The following HLTF variants were observed in gnomAD, a reference collection of about 807,000 sequenced individuals.
The protein encoded by HLTF is helicase like transcription factor.
HLTF carries 127 observed loss-of-function variants against 129.4 expected under a neutral mutation model. The ratio of observed to expected loss-of-function variants is 0.98; its 90% CI spans 0.85 to 1.14. The LOEUF (loss-of-function observed/expected upper bound fraction) is 1.14, where lower values mean the gene tolerates loss of function less well. Among genes scored for constraint, HLTF ranks in the 50% most tolerant of loss-of-function variants. The pLI, the probability that HLTF is intolerant of heterozygous loss-of-function variation, is 0.00. For missense variants in HLTF, 1,139 were observed against 1,187.1 expected (o/e 0.96, Z 0.60); for synonymous variants, 332 against 388.8 (o/e 0.85, Z 1.72).
Position 149,048,963 on chromosome 3 carries a change from T to C in HLTF, c.1656A>G (p.Leu552=), listed in dbSNP as rs1446596488. The change falls in exon 16 of 25, where the codon CTA becomes CTG. Residue 552 remains leucine, a synonymous_variant. Coordinates refer to ENST00000310053, the MANE Select transcript of HLTF (RefSeq NM_003071.4). The part of the protein sequence containing the change: ...GDSPLHSIRW[L]RVILDEGHAI... ...CATGTCCTTCATCCAGGATCACTCT[T>C]AGCCACCTTATGCTATGTAATGGAC... The C allele has an allele frequency of 1.9e-6, 3 of 1,609,178 alleles. No homozygotes were observed. The highest frequency in any genetic ancestry group is 1.7e-5 in the Admixed American group (1 of 59,986).
At chr3:149,037,241 C>G (rs549331233) in intron 23 of HLTF, among the ~76,000 whole-genome samples, 7 of 152,104 alleles carry the variant, frequency 4.6e-5, no homozygotes, top group Admixed American at 1.3e-4. Flanking sequence ...GAGGCTGAGG[C>G]AGGTGGATCA....
chr3:149,043,613 C>A (rs1716311206), intron 18 of HLTF, among the ~76,000 whole-genome samples: 1 of 145,650 alleles, frequency 6.9e-6, no homozygotes, highest in African/African-American at 2.5e-5. Context: ...TACAGTGGTA[C>A]AATGACAACA....
chr3:149,080,148 T>C (rs1243976435), intron 2 of HLTF, among the ~76,000 whole-genome samples: 2 of 152,078 alleles, frequency 1.3e-5, no homozygotes, highest in Non-Finnish European at 2.9e-5. Flanking sequence ...TAAATCCATA[T>C]ACACAGGAAG....
chr3:149,055,771 C>T (rs1033332074), intron 13 of HLTF, among the ~76,000 whole-genome samples: 1 of 152,182 alleles, frequency 6.6e-6, no homozygotes, highest in Non-Finnish European at 1.5e-5. Context: ...TCCTGATATT[C>T]ACAATCTTGT....
At chr3:149,079,028 G>A (rs115481794) in intron 2 of HLTF, among the ~76,000 whole-genome samples, 4,033 of 152,118 alleles carry the variant, frequency 0.027, 67 homozygotes, top group South Asian at 0.052. Context: ...AATTTGAGCA[G>A]GCATAAGAAA....
rs576100382 is a variant in HLTF at position 149,031,566 on chromosome 3, ACTT to A, written c.*651_*653del. The A allele has an allele frequency of 3.9e-4, 60 of 152,642 alleles. No homozygotes were observed. The highest frequency in any genetic ancestry group is 1.3e-3 in the African/African-American group (54 of 41,554). The allele number at this position is 152,642 out of a possible 1,614,324, so 9.5% of individuals were successfully genotyped here. Reference sequence around the variant, plus strand: ...ACATTTAAACAATGAGTGTAGTACTACTTAACTAAAATGGAAAAAATAGTACTC... The same window carrying A: ...ACATTTAAACAATGAGTGTAGTACTAAACTAAAATGGAAAAAATAGTACTC... On this transcript the variant is annotated 3_prime_UTR_variant, in exon 25 of 25. Coordinates refer to ENST00000310053, the MANE Select transcript of HLTF (RefSeq NM_003071.4).
At chr3:149,056,140 G>A (rs984613911) in intron 13 of HLTF, among the ~76,000 whole-genome samples, 1 of 152,164 alleles carries the variant, frequency 6.6e-6, no homozygotes, top group East Asian at 1.9e-4. Flanking sequence ...CTGCAACCTC[G>A]TAAGAGACCA....
At chr3:149,066,480 T>G (rs2108032020) in intron 8 of HLTF, among the ~76,000 whole-genome samples, 1 of 152,262 alleles carries the variant, frequency 6.6e-6, no homozygotes, top group African/African-American at 2.4e-5. Context: ...AAATCAATAT[T>G]TCAGTCTACT....
chr3:149,039,082 C>G lies in HLTF; in HGVS notation c.2763G>C (p.Leu921=). ...TTAAAAACACTCGAGAAGCTGCAGA[C>G]AGATTCAAACCAACTCCACCTGCTT... ...SLKAGGVGLN[L]SAASRVFLMD... Residue 921 remains leucine (L), a synonymous_variant, in exon 23 of 25, where the codon CTG becomes CTC. Transcript: ENST00000310053. 6.2e-7 allele frequency: 1 copy of G among 1,605,324 alleles called. No homozygotes were observed. Among genetic ancestry groups the G allele is most frequent in the Non-Finnish European group, 8.5e-7 (1 of 1,176,710 alleles).
chr3:149,060,976 A>AC, intron 10 of HLTF, 118 bp from the exon 11 acceptor site: 1 of 685,102 alleles, frequency 1.5e-6, no homozygotes, highest in Non-Finnish European at 2.5e-6. Context: ...TTTTTGAAAA[A>AC]TTTTTTAAAG....
At chr3:149,063,152 C>T (rs1382099507) in intron 10 of HLTF, 5 of 464,322 alleles carry the variant, frequency 1.1e-5, no homozygotes, top group Admixed American at 2.4e-5. Flanking sequence ...CTCTGCCTCC[C>T]GGGTTCACGC....
intron 2 of HLTF, among the ~76,000 whole-genome samples, chr3:149,082,473 A>G (rs1719956772): frequency 6.6e-6 from 1 of 152,208 alleles, no homozygotes; most frequent in African/African-American, 2.4e-5. Flanking sequence ...AAAACAAAAA[A>G]AAAGAAAAGA....
At chr3:149,049,927 G>C (rs1716841066) in intron 15 of HLTF, among the ~76,000 whole-genome samples, 1 of 152,058 alleles carries the variant, frequency 6.6e-6, no homozygotes, top group Admixed American at 6.5e-5. Flanking sequence ...AGGAGGCAGA[G>C]GTTGCAGTGA....
chr3:149,048,732 T>C, intron 16 of HLTF, 131 bp downstream of exon 16: 3 of 653,340 alleles, frequency 4.6e-6, no homozygotes, highest in Non-Finnish European at 5.3e-6. Context: ...AAACATTTGA[T>C]TAAATTATTT....
At chr3:149,082,440 C>T (rs1171406087) in intron 2 of HLTF, among the ~76,000 whole-genome samples, 1 of 152,000 alleles carries the variant, frequency 6.6e-6, no homozygotes, top group Non-Finnish European at 1.5e-5. Context: ...GCCTGAGAAA[C>T]AGAGCGAGAC....
At position 149,060,840 on chromosome 3, in the gene HLTF, C is replaced by T; in HGVS notation, c.1179G>A (p.Gln393=). ...SRPKRRKTAV[Q]YIESSDSEEI... ...CCTCTGAATCACTGCTTTCTATGTACTGGACAGCAGTTTTTCTTCTAAAAT... is the reference window on the plus strand; with the variant it reads ...CCTCTGAATCACTGCTTTCTATGTATTGGACAGCAGTTTTTCTTCTAAAAT... The change falls in exon 11 of 25, where the codon CAG becomes CAA. Residue 393 remains glutamine (Q), a synonymous_variant. Coordinates refer to ENST00000310053, the MANE Select transcript of HLTF (RefSeq NM_003071.4). 6.2e-7 allele frequency: 1 copy of T among 1,611,914 alleles called. No individual in the cohort carries two copies. The highest frequency in any genetic ancestry group is 8.5e-7 in the Non-Finnish European group (1 of 1,178,568).
chr3:149,049,996 G>C (rs1716848661), intron 15 of HLTF, among the ~76,000 whole-genome samples: 4 of 151,782 alleles, frequency 2.6e-5, no homozygotes, highest in Admixed American at 2.6e-4. Flanking sequence ...CCATCGAGAG[G>C]GAGGGGGAGG....
intron 22 of HLTF, 77 bp downstream of exon 22, chr3:149,039,503 GT>G (rs373823328): frequency 0.011 from 6,292 of 587,322 alleles, no homozygotes; most frequent in South Asian, 0.018. Flanking sequence ...AACAAATTAA[GT>G]TTTTTTTTTT....
chr3:149,043,402 G>A (rs942400884), intron 18 of HLTF, among the ~76,000 whole-genome samples: 1 of 151,462 alleles, frequency 6.6e-6, no homozygotes, highest in African/African-American at 2.4e-5. Context: ...CATACACAGA[G>A]AGAAATAAAA....
Sources: gnomAD v4.1 joint callset for allele counts (sites outside exome capture counted in the v4.1 genomes callset) on GRCh38, gnomAD v4.1.1 for gene constraint, MANE v1.5 for transcripts, NCBI Gene and HGNC (gene_info 2026-07-23, HGNC 2026-07-21) for gene names.